Variants in RALYL observed in about 807,000 individuals in gnomAD.
RALYL encodes RNA-binding Raly-like protein.
Under a neutral mutation model 35.1 loss-of-function variants are expected in RALYL, and 29 were observed. That is an observed-to-expected ratio of 0.83 (90% CI 0.61 to 1.13). The LOEUF (loss-of-function observed/expected upper bound fraction) is 1.13, where lower values mean the gene tolerates loss of function less well. Ranked by LOEUF, RALYL falls within the 50% of genes most tolerant of loss-of-function variation. The probability of loss-of-function intolerance (pLI) is 0.00; values close to 1 mark genes in which losing one functional copy is unlikely to be tolerated. For missense variants in RALYL, 359 were observed against 360.4 expected (o/e 1.00, Z 0.03); for synonymous variants, 120 against 127.6 (o/e 0.94, Z 0.40).
intron 2 of RALYL, among the ~76,000 whole-genome samples, chr8:84,660,321 T>C (rs1258162249): frequency 1.3e-5 from 2 of 152,074 alleles, no homozygotes; most frequent in African/African-American, 4.8e-5. Context: ...GTTTATGTTA[T>C]CAGTTCTTTC....
chr8:84,795,363 A>G (rs1328997617), intron 3 of RALYL, among the ~76,000 whole-genome samples: 1 of 152,222 alleles, frequency 6.6e-6, no homozygotes, highest in Non-Finnish European at 1.5e-5. Flanking sequence ...TAAGAGCCTG[A>G]GAAAGTTTAC....
intron 2 of RALYL, among the ~76,000 whole-genome samples, chr8:84,529,885 G>A (rs1241464986): frequency 6.6e-6 from 1 of 152,124 alleles, no homozygotes; most frequent in Non-Finnish European, 1.5e-5. Context: ...GATAGCATCT[G>A]TCTTCCAGGA....
At chr8:84,293,238 G>A (rs997748905) in intron 1 of RALYL, among the ~76,000 whole-genome samples, 2 of 152,082 alleles carry the variant, frequency 1.3e-5, no homozygotes. Context: ...AAAAGAGAGC[G>A]AGAGAAAGAA....
chr8:84,277,268 G>A (rs1342667631), intron 1 of RALYL, among the ~76,000 whole-genome samples: 1 of 152,190 alleles, frequency 6.6e-6, no homozygotes, highest in Non-Finnish European at 1.5e-5. Flanking sequence ...AACAGGCCTT[G>A]TGCAGGGGAG....
At chr8:84,856,124 A>G (rs1158682899) in intron 5 of RALYL, among the ~76,000 whole-genome samples, 1 of 152,230 alleles carries the variant, frequency 6.6e-6, no homozygotes, top group East Asian at 1.9e-4. Flanking sequence ...ATGTTTGAAA[A>G]TAACAGCATG....
chr8:84,856,572 T>G (rs570245385), intron 5 of RALYL, among the ~76,000 whole-genome samples: 66 of 152,322 alleles, frequency 4.3e-4, no homozygotes, highest in Non-Finnish European at 7.2e-4. Flanking sequence ...TCAATGGAAT[T>G]TACTCATTTA....
chr8:84,547,002 C>T (rs1468956196), intron 2 of RALYL, among the ~76,000 whole-genome samples: 4 of 151,996 alleles, frequency 2.6e-5, no homozygotes, highest in East Asian at 1.9e-4. Flanking sequence ...ATGTGCAGAA[C>T]GTGCAGGTTT....
chr8:84,410,654 C>T (rs2044005728), intron 1 of RALYL, among the ~76,000 whole-genome samples: 1 of 151,406 alleles, frequency 6.6e-6, no homozygotes, highest in African/African-American at 2.4e-5. Flanking sequence ...GAAGAATGAC[C>T]CCATTTAATA....
chr8:84,645,462 A>T (rs1827289371), intron 2 of RALYL, among the ~76,000 whole-genome samples: 1 of 151,940 alleles, frequency 6.6e-6, no homozygotes, highest in African/African-American at 2.4e-5. Context: ...GTATCTTTCA[A>T]ATCCTATCTA....
At chr8:84,522,952 A>T (rs534301724) in intron 1 of RALYL, among the ~76,000 whole-genome samples, 1 of 151,986 alleles carries the variant, frequency 6.6e-6, no homozygotes, top group African/African-American at 2.4e-5. Context: ...ACAGTTCCAC[A>T]TAAACAGGGG....
At chr8:84,528,839 A>T (rs975211588) in intron 1 of RALYL, among the ~76,000 whole-genome samples, 2 of 152,148 alleles carry the variant, frequency 1.3e-5, no homozygotes, top group African/African-American at 2.4e-5. Flanking sequence ...TGAAATAGAC[A>T]GTATGTCTAC....
chr8:84,824,271 AAAT>A (rs1334307048), intron 4 of RALYL, among the ~76,000 whole-genome samples: 3 of 151,880 alleles, frequency 2.0e-5, no homozygotes, highest in African/African-American at 7.3e-5. Flanking sequence ...GCAAAAAAAA[AAAT>A]AAGTCAGTAA....
chr8:84,303,348 C>G (rs573953521), intron 1 of RALYL, among the ~76,000 whole-genome samples: 1 of 152,136 alleles, frequency 6.6e-6, no homozygotes, highest in Admixed American at 6.5e-5. Flanking sequence ...TAATGAAGAG[C>G]AGCATTGTAA....
At chr8:84,499,277 C>A (rs2056417066) in intron 1 of RALYL, among the ~76,000 whole-genome samples, 1 of 151,880 alleles carries the variant, frequency 6.6e-6, no homozygotes, top group Admixed American at 6.6e-5. Context: ...AAGTAGTTTA[C>A]AATTATGTAT....
At chr8:84,217,286 T>G (rs1821056369) in intron 1 of RALYL, among the ~76,000 whole-genome samples, 1 of 152,120 alleles carries the variant, frequency 6.6e-6, no homozygotes, top group African/African-American at 2.4e-5. Context: ...CCATTTAATG[T>G]CAATATGTTT....
intron 1 of RALYL, among the ~76,000 whole-genome samples, chr8:84,382,352 A>G (rs927430022): frequency 2.0e-5 from 3 of 151,724 alleles, no homozygotes; most frequent in African/African-American, 7.2e-5. Flanking sequence ...ACTCTCAAAT[A>G]AATGTTCATC....
chr8:84,186,311 C>G (rs1032460612), intron 1 of RALYL, among the ~76,000 whole-genome samples: 2 of 152,060 alleles, frequency 1.3e-5, no homozygotes, highest in Admixed American at 6.5e-5. Flanking sequence ...ATGCCTCAAA[C>G]AGCTAACATA....
At chr8:84,192,025 C>T (rs1814013242) in intron 1 of RALYL, among the ~76,000 whole-genome samples, 1 of 152,174 alleles carries the variant, frequency 6.6e-6, no homozygotes, top group South Asian at 2.1e-4. Flanking sequence ...TTAATTGCAT[C>T]TGCAAGTCAT....
At chr8:84,243,108 A>G (rs1054695116) in intron 1 of RALYL, among the ~76,000 whole-genome samples, 1 of 152,042 alleles carries the variant, frequency 6.6e-6, no homozygotes, top group Admixed American at 6.6e-5. Flanking sequence ...TTCTTTCCCC[A>G]TTGCTGAAGA....
Sources: gnomAD v4.1 joint callset for allele counts (sites outside exome capture counted in the v4.1 genomes callset) on GRCh38, gnomAD v4.1.1 for gene constraint, MANE v1.5 for transcripts, NCBI Gene and HGNC (gene_info 2026-07-23, HGNC 2026-07-21) for gene names.